Variants in WDR19 observed in about 807,000 individuals in gnomAD.
The protein encoded by WDR19 is WD repeat-containing protein 19.
WDR19 carries 121 observed loss-of-function variants against 180.0 expected under a neutral mutation model. The ratio of observed to expected loss-of-function variants is 0.67; its 90% confidence interval spans 0.58 to 0.78. WDR19 has a LOEUF of 0.78. Among genes scored for constraint, WDR19 ranks in the 30% least tolerant of loss-of-function variants. The probability of loss-of-function intolerance (pLI) is 0.00; values close to 1 mark genes in which losing one functional copy is unlikely to be tolerated. For synonymous variants in WDR19, 497 were observed against 540.7 expected (o/e 0.92, Z 1.12); for missense variants, 1,450 against 1,640.7 (o/e 0.88, Z 2.01).
chr4:39,253,877 G>T (rs1733498799), intron 25 of WDR19, 29 bp from the exon 26 acceptor site: 2 of 1,560,340 alleles, frequency 1.3e-6, no homozygotes, highest in South Asian at 2.4e-5. Flanking sequence ...TATATTAAGA[G>T]TCTAGCTAAT....
chr4:39,270,760 T>C (rs1266628103), intron 31 of WDR19, among the ~76,000 whole-genome samples: 1 of 152,244 alleles, frequency 6.6e-6, no homozygotes, highest in Non-Finnish European at 1.5e-5. Context: ...TCTTTCTTTA[T>C]GCAAAACTTG....
chr4:39,232,065 T>A, intron 18 of WDR19, 97 bp from the exon 19 acceptor site: 2 of 1,519,722 alleles, frequency 1.3e-6, no homozygotes, highest in East Asian at 4.5e-5. Flanking sequence ...AGTGAATCGA[T>A]AGAACGTTAC....
chr4:39,245,018 C>A (rs1336823063), intron 23 of WDR19, among the ~76,000 whole-genome samples: 2 of 150,822 alleles, frequency 1.3e-5, no homozygotes. Context: ...CTCACTGCAA[C>A]CTCCACCTCC....
intron 2 of WDR19, 51 bp downstream of exon 2, chr4:39,185,868 C>A: frequency 2.2e-6 from 3 of 1,378,658 alleles, no homozygotes; most frequent in East Asian, 2.5e-5. Flanking sequence ...CATGTAATCA[C>A]ACCATCTACT....
chr4:39,246,410 A>G (rs1451421416), intron 24 of WDR19, among the ~76,000 whole-genome samples: 1 of 152,202 alleles, frequency 6.6e-6, no homozygotes, highest in Non-Finnish European at 1.5e-5. Flanking sequence ...GCTCCAGTCT[A>G]TAGCGCCCAG....
At chr4:39,195,672 C>G (rs1243540790) in intron 5 of WDR19, among the ~76,000 whole-genome samples, 2 of 152,060 alleles carry the variant, frequency 1.3e-5, no homozygotes, top group African/African-American at 4.8e-5. Context: ...AATGGTAGAA[C>G]CTAGTGGGCT....
chr4:39,194,796 T>TA (rs1004957497), intron 5 of WDR19, 137 bp downstream of exon 5: 7 of 607,278 alleles, frequency 1.2e-5, no homozygotes, highest in East Asian at 8.4e-5. Context: ...CCGCAAGTCT[T>TA]ACATTTAGCT....
At chr4:39,215,293 TTTTCTTTG>T (rs1434582689) in intron 10 of WDR19, among the ~76,000 whole-genome samples, 1,966 of 145,342 alleles carry the variant, frequency 0.014, 44 homozygotes, top group African/African-American at 0.045. Flanking sequence ...ATTTACTACC[TTTTCTTTG>T]TTTCTTTCTT....
intron 24 of WDR19, among the ~76,000 whole-genome samples, chr4:39,252,493 A>T (rs897731823): frequency 2.6e-5 from 4 of 151,404 alleles, no homozygotes; most frequent in African/African-American, 9.7e-5. Context: ...ATGTACCCTA[A>T]AACTTAAAGT....
At chr4:39,245,973 A>T (rs1410216196) in intron 24 of WDR19, among the ~76,000 whole-genome samples, 3 of 152,186 alleles carry the variant, frequency 2.0e-5, no homozygotes, top group Non-Finnish European at 4.4e-5. Context: ...TAAACATACA[A>T]AGATCTCCCA....
chr4:39,268,515 A>G (rs140875612), intron 30 of WDR19, among the ~76,000 whole-genome samples: 2 of 152,304 alleles, frequency 1.3e-5, no homozygotes, highest in East Asian at 3.9e-4. Flanking sequence ...TATAATATGC[A>G]GAGGCTTGAT....
At chr4:39,227,196 A>G (rs1025472448) in intron 15 of WDR19, among the ~76,000 whole-genome samples, 4 of 152,208 alleles carry the variant, frequency 2.6e-5, no homozygotes, top group Non-Finnish European at 5.9e-5. Flanking sequence ...AATAGCAACT[A>G]CTATGTTAAA....
At position 39,253,159 on chromosome 4, in the gene WDR19, G is replaced by C. The variant is rs183029614; in HGVS notation, c.2743G>C (p.Val915Leu). Residue 915 changes from valine (V) to leucine (L), a missense_variant, in exon 25 of 37, where the codon GTT becomes CTT. Coordinates refer to ENST00000399820, the MANE Select transcript of WDR19 (RefSeq NM_025132.4). ...ATTTTTTTACAGATACAAAGAAGCT[G>C]TTGTAGCTTATGAAAATGCAAAACA... ...KEADGRYKEA[V>L]VAYENAKQWQ... 1.9e-6 allele frequency: 3 copies of C among 1,606,538 alleles called. No homozygotes were observed. The highest frequency in any genetic ancestry group is 2.3e-5 in the South Asian group (2 of 88,394).
At chr4:39,215,714 T>C (rs1728998571) in intron 10 of WDR19, 127 bp from the exon 11 acceptor site, 8 of 979,684 alleles carry the variant, frequency 8.2e-6, no homozygotes, top group Non-Finnish European at 1.1e-5. Flanking sequence ...AAAAAAAAAC[T>C]ACTTAAACTA....
intron 21 of WDR19, among the ~76,000 whole-genome samples, chr4:39,242,612 C>T (rs1003627502): frequency 2.0e-5 from 3 of 152,124 alleles, no homozygotes; most frequent in African/African-American, 7.2e-5. Flanking sequence ...TGCTTGACAC[C>T]AGGAGTTCAA....
At chr4:39,235,499 A>G (rs1731286130) in intron 20 of WDR19, among the ~76,000 whole-genome samples, 1 of 152,158 alleles carries the variant, frequency 6.6e-6, no homozygotes, top group African/African-American at 2.4e-5. Flanking sequence ...TTCCTAACTT[A>G]TGTTCATGGT....
intron 31 of WDR19, among the ~76,000 whole-genome samples, chr4:39,271,454 A>G (rs1228533412): frequency 6.6e-6 from 1 of 152,176 alleles, no homozygotes; most frequent in Non-Finnish European, 1.5e-5. Context: ...GTGTAATCCC[A>G]GTACTTTGGG....
At chr4:39,220,528 CT>C (rs34613717) in intron 14 of WDR19, among the ~76,000 whole-genome samples, 49,730 of 91,902 alleles carry the variant, frequency 0.54, 12,590 homozygotes, top group East Asian at 0.66. Context: ...TCTTCTTCTT[CT>C]TTTTTTTTTT....
At chr4:39,285,106 C>G (rs1308589379) in intron 36 of WDR19, among the ~76,000 whole-genome samples, 1 of 151,366 alleles carries the variant, frequency 6.6e-6, no homozygotes, top group Non-Finnish European at 1.5e-5. Flanking sequence ...TGTAAGCATC[C>G]TTATACAGTG....
Sources: allele counts gnomAD v4.1 joint callset (sites outside exome capture counted in the v4.1 genomes callset), GRCh38; gene constraint gnomAD v4.1.1; transcripts MANE v1.5; gene names NCBI Gene and HGNC (gene_info 2026-07-23, HGNC 2026-07-21).